GABRA3: variants seen among roughly 807,000 people sequenced by gnomAD.
The protein encoded by GABRA3 is gamma-aminobutyric acid type A receptor subunit alpha3, also known as gamma-aminobutyric acid receptor subunit alpha-3.
GABRA3 carries 10 observed loss-of-function variants against 30.1 expected under a neutral mutation model. The observed-to-expected ratio is 0.33, with a 90% CI of 0.20 to 0.56. The LOEUF is 0.56. Ranked by LOEUF, GABRA3 falls within the 20% of genes least tolerant of loss-of-function variation. The pLI is 0.89. For missense variants in GABRA3, 233 were observed against 392.0 expected, an observed-to-expected ratio of 0.59 and a Z score of 3.42; for synonymous variants, 151 against 146.8, an observed-to-expected ratio of 1.03 and a Z score of -0.21.
intron 3 of GABRA3, among the ~76,000 whole-genome samples, chrX:152,342,469 T>G (rs1414460147): frequency 2.7e-5 from 3 of 111,530 alleles, no homozygotes; most frequent in Non-Finnish European, 5.6e-5. Context: ...TTTTCAGTCT[T>G]TCTTTCTCTC....
chrX:152,448,352 C>T (rs1253997598), intron 1 of GABRA3, among the ~76,000 whole-genome samples: 1 of 112,266 alleles, frequency 8.9e-6, no homozygotes, highest in Non-Finnish European at 1.9e-5. Flanking sequence ...TAACGATTTC[C>T]GAAGCCTCTC....
At chrX:152,314,102 A>T (rs1427381472) in intron 3 of GABRA3, among the ~76,000 whole-genome samples, 1 of 111,877 alleles carries the variant, frequency 8.9e-6, no homozygotes, top group African/African-American at 3.3e-5. Flanking sequence ...ACCACATCCA[A>T]GCACACCAGG....
chrX:152,315,969 C>CCG (rs1939869195), intron 3 of GABRA3, among the ~76,000 whole-genome samples: 20 of 30,804 alleles, frequency 6.5e-4, no homozygotes, highest in Non-Finnish European at 6.5e-4. Flanking sequence ...GCCCGCCCCC[C>CCG]GACCCCCCCC....
chrX:152,178,972 C>A (rs1287548365), intron 9 of GABRA3, among the ~76,000 whole-genome samples: 1 of 111,150 alleles, frequency 9.0e-6, no homozygotes, highest in Non-Finnish European at 1.9e-5. Flanking sequence ...CATATGTAAC[C>A]CTTCCTGAAT....
intron 3 of GABRA3, among the ~76,000 whole-genome samples, chrX:152,327,996 C>T (rs891544732): frequency 7.2e-5 from 8 of 111,147 alleles, no homozygotes; most frequent in Admixed American, 2.9e-4. Flanking sequence ...CAAATAAACA[C>T]GATAAAAAAT....
At chrX:152,290,462 T>C (rs1939388555) in intron 3 of GABRA3, among the ~76,000 whole-genome samples, 1 of 111,894 alleles carries the variant, frequency 8.9e-6, no homozygotes, top group Non-Finnish European at 1.9e-5. Flanking sequence ...ATTCTGTAGG[T>C]TGCCTGTTCA....
At position 152,332,261 on chromosome X, in the gene GABRA3, T is replaced by C. The variant is rs187111012; in HGVS notation, c.262+13320A>G. 3.6e-5 allele frequency among the ~76,000 whole-genome samples: 4 copies of C among 112,337 alleles called. No individual in the cohort carries two copies. In the East Asian group the frequency reaches 1.1e-3, roughly 32 times the overall value. ...TGACTTTTCAGTTATCTTATTAATA[T>C]GGCTTCTCTCTTCATAATGCATAGA... On this transcript the variant is annotated intron_variant, in intron 3 of 9. Coordinates refer to ENST00000370314, the MANE Select transcript of GABRA3 (RefSeq NM_000808.4).
At chrX:152,330,085 G>A (rs183926625) in intron 3 of GABRA3, among the ~76,000 whole-genome samples, 1 of 111,780 alleles carries the variant, frequency 8.9e-6, no homozygotes, top group Non-Finnish European at 1.9e-5. Flanking sequence ...ACAACCAACA[G>A]ACACATGAAA....
intron 8 of GABRA3, among the ~76,000 whole-genome samples, chrX:152,193,709 T>A (rs1421181317): frequency 8.9e-6 from 1 of 112,534 alleles, no homozygotes; most frequent in Non-Finnish European, 1.9e-5. Context: ...TATAATATAA[T>A]AACTTTAGGC....
At chrX:152,373,744 G>A (rs749547223) in intron 1 of GABRA3, among the ~76,000 whole-genome samples, 6 of 110,335 alleles carry the variant, frequency 5.4e-5, no homozygotes, top group South Asian at 7.9e-4. Flanking sequence ...CGTTATTTAC[G>A]TTAGGTATTT....
At chrX:152,413,227 TA>T (rs1190009299) in intron 1 of GABRA3, among the ~76,000 whole-genome samples, 2 of 109,759 alleles carry the variant, frequency 1.8e-5, no homozygotes, top group Non-Finnish European at 3.8e-5. Context: ...GAATTTACCA[TA>T]TATTAAAAAA....
chrX:152,187,078 T>A (rs1272033268), intron 9 of GABRA3: 1 of 111,945 alleles, frequency 8.9e-6, no homozygotes, highest in Admixed American at 9.5e-5. Flanking sequence ...TCCTAAAATA[T>A]CTATCTGTTT....
Position 152,238,725 on chromosome X carries a change from A to G in GABRA3, c.552-13880T>C, listed in dbSNP as rs1487621592. On this transcript the variant is annotated intron_variant, in intron 5 of 9. Coordinates refer to ENST00000370314, the MANE Select transcript of GABRA3 (RefSeq NM_000808.4). ...CTTCTTCCTGGTTTAGTCTTGGGAGAGTGTATGTGTCGAGGAATTTATCCA... is the reference window on the plus strand; with the variant it reads ...CTTCTTCCTGGTTTAGTCTTGGGAGGGTGTATGTGTCGAGGAATTTATCCA... Among the ~76,000 whole-genome samples, 928 of 106,731 alleles carry G rather than the reference A, an allele frequency of 8.7e-3. 12 individuals carry two copies. The highest frequency in any genetic ancestry group is 0.03 in the African/African-American group (874 of 29,438). 92.7% of individuals were successfully genotyped at this position (106,731 alleles called of 115,157 possible). A position where few individuals can be genotyped will look rare whatever the true frequency, so the allele number is the denominator to read the frequency against.
chrX:152,426,401 C>T (rs182379306), intron 1 of GABRA3, among the ~76,000 whole-genome samples: 2 of 111,925 alleles, frequency 1.8e-5, no homozygotes, highest in East Asian at 2.8e-4. Flanking sequence ...ATCCAGTCTT[C>T]ATAAGAAGCA....
At position 152,292,383 on chromosome X, in the gene GABRA3, G is replaced by A. The variant is rs374173627; in HGVS notation, c.263-7648C>T. ...TTGATGTTTGTATTTCTGTGGGATCGGTGGTGATATCCCCTTTATCATTTT... is the reference window on the plus strand; with the variant it reads ...TTGATGTTTGTATTTCTGTGGGATCAGTGGTGATATCCCCTTTATCATTTT... On this transcript the variant is annotated intron_variant, in intron 3 of 9. Transcript: ENST00000370314. Among the ~76,000 whole-genome samples the A allele has an allele frequency of 6.3e-5, 7 of 111,388 alleles. No homozygotes were observed. In the East Asian group the frequency reaches 8.5e-4, roughly 13 times the overall value.
intron 1 of GABRA3, among the ~76,000 whole-genome samples, chrX:152,392,056 A>G (rs765529716): frequency 1.8e-5 from 2 of 111,937 alleles, no homozygotes; most frequent in South Asian, 7.5e-4. Flanking sequence ...CAAGAATTTC[A>G]AACTATTAAA....
chrX:152,377,450 A>C (rs1929027169), intron 1 of GABRA3, among the ~76,000 whole-genome samples: 1 of 111,723 alleles, frequency 9.0e-6, no homozygotes, highest in South Asian at 3.7e-4. Flanking sequence ...TTAACACAAC[A>C]GACTAAACAG....
At chrX:152,438,180 T>A (rs1339163133) in intron 1 of GABRA3, among the ~76,000 whole-genome samples, 1 of 111,628 alleles carries the variant, frequency 9.0e-6, no homozygotes, top group Non-Finnish European at 1.9e-5. Flanking sequence ...GCAAAACAGA[T>A]AAGATTGCAA....
intron 4 of GABRA3, among the ~76,000 whole-genome samples, chrX:152,257,524 T>C (rs780570248): frequency 1.8e-5 from 2 of 112,864 alleles, no homozygotes. Flanking sequence ...TGAGTTATTC[T>C]CCAAACACTC....
Sources: allele counts gnomAD v4.1 joint callset (sites outside exome capture counted in the v4.1 genomes callset), GRCh38; gene constraint gnomAD v4.1.1; transcripts MANE v1.5; gene names NCBI Gene and HGNC (gene_info 2026-07-23, HGNC 2026-07-21).